GALNTL6: variants seen among roughly 807,000 people sequenced by gnomAD.
GALNTL6 encodes polypeptide N-acetylgalactosaminyltransferase-like 6.
In GALNTL6, 46 loss-of-function variants were observed where a neutral mutation model predicts 73.7. The ratio of observed to expected loss-of-function variants is 0.62; its 90% CI spans 0.49 to 0.80. The LOEUF is 0.80. Among genes scored for constraint, GALNTL6 ranks in the 30% least tolerant of loss-of-function variants. The pLI is 0.00. For missense variants in GALNTL6, 604 were observed against 755.0 expected (o/e 0.80, Z 2.34); for synonymous variants, 259 against 263.7 (o/e 0.98, Z 0.17).
chr4:171,954,728 C>G (rs1738990933), intron 2 of GALNTL6, among the ~76,000 whole-genome samples: 1 of 152,014 alleles, frequency 6.6e-6, no homozygotes, highest in African/African-American at 2.4e-5. Flanking sequence ...ATTGTAATCC[C>G]CAATGTTGGT....
intron 2 of GALNTL6, among the ~76,000 whole-genome samples, chr4:172,196,270 A>T (rs1421889722): frequency 6.6e-6 from 1 of 152,154 alleles, no homozygotes; most frequent in African/African-American, 2.4e-5. Context: ...CCGTGAATAG[A>T]CCAATAATGA....
At chr4:172,854,706 A>T (rs985748030) in intron 7 of GALNTL6, among the ~76,000 whole-genome samples, 1 of 152,198 alleles carries the variant, frequency 6.6e-6, no homozygotes, top group Non-Finnish European at 1.5e-5. Context: ...TCTTCTATGA[A>T]AATGTTCCTG....
intron 5 of GALNTL6, among the ~76,000 whole-genome samples, chr4:172,516,842 A>G (rs1734625434): frequency 1.3e-5 from 2 of 152,214 alleles, no homozygotes; most frequent in Admixed American, 6.5e-5. Context: ...ATGTAATATC[A>G]TTCAGCCTTA....
rs1029629981 is a variant in GALNTL6, at chr4:172,229,743, C to T, written c.226C>T (p.Gln76Ter). Residue 76 changes from glutamine to a stop codon, truncating the protein, a stop_gained, in exon 3 of 13, where the codon CAG becomes TAG. Transcript: ENST00000506823. LOFTEE classifies it high-confidence loss of function. ...RKDWHDYESIQKEAMRSGKGE... is the reference protein window; with the variant it reads ...RKDWHDYESI The stretch of plus-strand genomic sequence containing the variant: ...GGACTGGCATGACTATGAAAGCATT[C>T]AGAAAGAGGCTATGCGCTCAGGTAT... The T allele has an allele frequency of 6.2e-7, 1 of 1,611,818 alleles. No homozygotes were observed. Among genetic ancestry groups the T allele is most frequent in the Non-Finnish European group, 8.5e-7 (1 of 1,178,056 alleles).
chr4:172,027,858 G>T (rs1399296071), intron 2 of GALNTL6, among the ~76,000 whole-genome samples: 2 of 152,116 alleles, frequency 1.3e-5, no homozygotes, highest in East Asian at 3.9e-4. Flanking sequence ...GGTCTAGATG[G>T]AAGATCCAGG....
chr4:172,193,599 A>G (rs975025046), intron 2 of GALNTL6, among the ~76,000 whole-genome samples: 4 of 152,126 alleles, frequency 2.6e-5, no homozygotes, highest in African/African-American at 9.7e-5. Context: ...GTGGTGGCTC[A>G]TGCCTGTAAT....
At position 171,814,684 on chromosome 4, in the gene GALNTL6, A is replaced by G. The variant is rs753009384; in HGVS notation, c.104A>G (p.His35Arg). The G allele has an allele frequency of 2.5e-6, 4 of 1,613,904 alleles. No homozygotes were observed. The African/African-American group carries it at 5.3e-5, about 22-fold the overall frequency. Reference sequence around the variant, plus strand: ...CTCTGGTCTCTGTACAAGGATAAGCACCTGGTGAAGTCAGCGGAGCCCGGG... The same window carrying G: ...CTCTGGTCTCTGTACAAGGATAAGCGCCTGGTGAAGTCAGCGGAGCCCGGG... ...VGLWSLYKDK[H>R]LVKSAEPGEQ... The change falls in exon 2 of 13, where the codon CAC becomes CGC. Residue 35 changes from histidine to arginine, a missense_variant. By Grantham distance (29) the His-to-Arg change is conservative. Transcript: ENST00000506823.
chr4:172,305,718 A>C (rs566849849), intron 3 of GALNTL6, among the ~76,000 whole-genome samples: 1 of 152,330 alleles, frequency 6.6e-6, no homozygotes, highest in East Asian at 1.9e-4. Context: ...TAGAATTTGC[A>C]GTAAAAACTG....
In GALNTL6 at chr4:172,931,242, G is replaced by C; in HGVS notation, c.1123G>C (p.Val375Leu). Residue 375 changes from valine (V) to leucine (L), a missense_variant, in exon 9 of 13, where the codon GTT becomes CTT. By Grantham distance (32) the Val-to-Leu change is conservative. Transcript: ENST00000506823. ...HIYRKYVPYK[V>L]PSGTSLARNL... ...CTACAGGAAGTACGTTCCATACAAAGTTCCATCTGGGACAAGCCTGGCAAG... is the reference window on the plus strand; with the variant it reads ...CTACAGGAAGTACGTTCCATACAAACTTCCATCTGGGACAAGCCTGGCAAG... 1 of 1,607,680 alleles carries C rather than the reference G, an allele frequency of 6.2e-7. No individual in the cohort carries two copies. The highest frequency in any genetic ancestry group is 8.5e-7 in the Non-Finnish European group (1 of 1,174,088).
intron 5 of GALNTL6, among the ~76,000 whole-genome samples, chr4:172,778,810 T>G (rs1739214501): frequency 6.6e-6 from 1 of 152,120 alleles, no homozygotes; most frequent in Non-Finnish European, 1.5e-5. Context: ...TCAGGCACAG[T>G]CCCTCCTGGA....
At position 172,099,717 on chromosome 4, in the gene GALNTL6, T is replaced by C. The variant is rs959366184; in HGVS notation, c.139-129939T>C. ...TCATTTTTGAAAGAAAAATGAATGT[T>C]CATTGCATGCTGAACATATCTAGGA... On this transcript the variant is annotated intron_variant, in intron 2 of 12. Transcript: ENST00000506823. Among the ~76,000 whole-genome samples the C allele has an allele frequency of 9.8e-5, 15 of 152,312 alleles. No individual in the cohort carries two copies. The South Asian group carries it at 2.9e-3, about 29-fold the overall frequency.
At position 172,556,756 on chromosome 4, in the gene GALNTL6, AAAG is replaced by A. The variant is rs199620970; in HGVS notation, c.553+208073_553+208075del. On this transcript the variant is annotated intron_variant, in intron 5 of 12. Coordinates refer to ENST00000506823, the MANE Select transcript of GALNTL6 (RefSeq NM_001034845.3). ...GCTAGACCCACACCAAAAAAAAAAA[AAAG>A]AAGAACAAAGAAAAAAAATTACTGA... 4.2e-3 allele frequency among the ~76,000 whole-genome samples: 635 copies of A among 151,892 alleles called. 5 individuals carry two copies. The highest frequency in any genetic ancestry group is 0.037 in the East Asian group (192 of 5,162).
At chr4:172,288,115 G>A (rs1479847978) in intron 3 of GALNTL6, among the ~76,000 whole-genome samples, 1 of 147,010 alleles carries the variant, frequency 6.8e-6, no homozygotes, top group African/African-American at 2.6e-5. Flanking sequence ...TTTTGAGATG[G>A]GTTTTCACTC....
At chr4:171,919,739 T>C (rs1389726023) in intron 2 of GALNTL6, among the ~76,000 whole-genome samples, 1 of 152,040 alleles carries the variant, frequency 6.6e-6, no homozygotes, top group Non-Finnish European at 1.5e-5. Context: ...GGTAGGGCGC[T>C]CAGCAGAGAA....
At chr4:172,935,070 C>T (rs150785825) in intron 9 of GALNTL6, among the ~76,000 whole-genome samples, 85 of 152,270 alleles carry the variant, frequency 5.6e-4, no homozygotes, top group African/African-American at 1.9e-3. Context: ...AGTCACCCCA[C>T]GGCTAAACAT....
At chr4:172,986,573 C>A (rs1271899505) in intron 10 of GALNTL6, among the ~76,000 whole-genome samples, 2 of 152,118 alleles carry the variant, frequency 1.3e-5, no homozygotes, top group African/African-American at 2.4e-5. Context: ...TTAAATATAT[C>A]ATCTCATATA....
chr4:172,360,465 T>TA (rs368992932), intron 5 of GALNTL6, among the ~76,000 whole-genome samples: 2 of 143,384 alleles, frequency 1.4e-5, no homozygotes, highest in South Asian at 2.2e-4. Context: ...TGTATTTACA[T>TA]AAAAAATGTT....
intron 5 of GALNTL6, among the ~76,000 whole-genome samples, chr4:172,808,038 G>C (rs1282855006): frequency 6.6e-6 from 1 of 152,116 alleles, no homozygotes; most frequent in Non-Finnish European, 1.5e-5. Context: ...GGTCAGGCTG[G>C]TCTTGAACTC....
At chr4:171,903,174 A>G (rs1057463622) in intron 2 of GALNTL6, among the ~76,000 whole-genome samples, 2 of 152,156 alleles carry the variant, frequency 1.3e-5, no homozygotes, top group African/African-American at 4.8e-5. Flanking sequence ...TCCGGTCTGC[A>G]GCTCCCAGCG....
Sources: allele counts gnomAD v4.1 joint callset (sites outside exome capture counted in the v4.1 genomes callset), GRCh38; gene constraint gnomAD v4.1.1; transcripts MANE v1.5; gene names NCBI Gene and HGNC (gene_info 2026-07-23, HGNC 2026-07-21).